SH3PXD2A: variants seen among roughly 807,000 people sequenced by gnomAD.
SH3PXD2A encodes the protein SH3 and PX domain-containing protein 2A.
Under a neutral mutation model 115.2 loss-of-function variants are expected in SH3PXD2A, and 32 were observed. That is an observed-to-expected ratio of 0.28 (90% confidence interval 0.21 to 0.37). The LOEUF (loss-of-function observed/expected upper bound fraction) is 0.37. Among genes scored for constraint, SH3PXD2A ranks in the 10% least tolerant of loss-of-function variants. The probability of loss-of-function intolerance (pLI) is 1.00; values close to 1 mark genes in which losing one functional copy is unlikely to be tolerated. For synonymous variants in SH3PXD2A, 610 were observed against 629.1 expected (o/e 0.97, Z 0.45); for missense variants, 1,328 against 1,498.7 (o/e 0.89, Z 1.88).
chr10:103,779,256 C>T (rs978954072), intron 2 of SH3PXD2A, among the ~76,000 whole-genome samples: 11 of 152,276 alleles, frequency 7.2e-5, no homozygotes, highest in East Asian at 1.9e-4. Context: ...TTAGTAGAGA[C>T]GGGGTTTCCT....
chr10:103,807,076 C>T (rs374170972), intron 1 of SH3PXD2A, among the ~76,000 whole-genome samples: 1 of 152,184 alleles, frequency 6.6e-6, no homozygotes, highest in African/African-American at 2.4e-5. Flanking sequence ...CCTCTATTAG[C>T]CTTGCTCCTT....
intron 5 of SH3PXD2A, among the ~76,000 whole-genome samples, chr10:103,717,334 G>A (rs74157303): frequency 4.3e-4 from 66 of 152,320 alleles, no homozygotes; most frequent in African/African-American, 1.6e-3. Flanking sequence ...TCCTTGGTGG[G>A]GAGAGATCCA....
chr10:103,600,010 G>A lies in SH3PXD2A; in HGVS notation c.*1806C>T, dbSNP rs2036192605. On this transcript the variant is annotated 3_prime_UTR_variant, in exon 15 of 15. Transcript: ENST00000369774. ...ATGGGGTGTGGTGGGGTAGGGTAGG[G>A]GTGGGGGTGGGTTTTGAAGGCACTG... 6.6e-6 allele frequency: 1 copy of A among 152,210 alleles called. No individual in the cohort carries two copies. Among genetic ancestry groups the A allele is most frequent in the South Asian group, 2.1e-4 (1 of 4,802 alleles). The allele number at this position is 152,210 out of a possible 1,614,324, so 9.4% of individuals were successfully genotyped here. A position where few individuals can be genotyped will look rare whatever the true frequency, so the allele number is the denominator to read the frequency against.
chr10:103,759,506 C>T (rs1238669793), intron 3 of SH3PXD2A, among the ~76,000 whole-genome samples: 1 of 152,218 alleles, frequency 6.6e-6, no homozygotes, highest in Non-Finnish European at 1.5e-5. Context: ...CCAGCCAGTA[C>T]AGAGACACAG....
chr10:103,764,584 C>T (rs2038734805), intron 3 of SH3PXD2A, among the ~76,000 whole-genome samples: 1 of 152,154 alleles, frequency 6.6e-6, no homozygotes, highest in African/African-American at 2.4e-5. Flanking sequence ...GGTGTGGGGG[C>T]AGGTGACTTT....
At chr10:103,803,693 C>G (rs763582961) in intron 1 of SH3PXD2A, among the ~76,000 whole-genome samples, 1 of 152,194 alleles carries the variant, frequency 6.6e-6, no homozygotes, top group Non-Finnish European at 1.5e-5. Flanking sequence ...CTAAACTGAA[C>G]TACTTTGATC....
intron 4 of SH3PXD2A, among the ~76,000 whole-genome samples, chr10:103,728,011 G>A (rs181943305): frequency 5.9e-5 from 9 of 152,368 alleles, no homozygotes; most frequent in Non-Finnish European, 1.2e-4. Flanking sequence ...GCAGAGTAGG[G>A]GGCCAGATAA....
intron 5 of SH3PXD2A, among the ~76,000 whole-genome samples, chr10:103,699,572 C>T (rs142745419): frequency 2.0e-5 from 3 of 152,336 alleles, no homozygotes; most frequent in African/African-American, 7.2e-5. Context: ...AAGGGCTGGG[C>T]GAAGGGGCTT....
intron 5 of SH3PXD2A, among the ~76,000 whole-genome samples, chr10:103,717,593 C>T (rs899846903): frequency 2.6e-5 from 4 of 152,146 alleles, no homozygotes; most frequent in Admixed American, 6.5e-5. Context: ...GGCCCTACGG[C>T]CAGATCTTTC....
chr10:103,752,066 G>C (rs2038585887), intron 3 of SH3PXD2A, among the ~76,000 whole-genome samples: 1 of 152,244 alleles, frequency 6.6e-6, no homozygotes, highest in Non-Finnish European at 1.5e-5. Flanking sequence ...CACCAAGTCA[G>C]TGAGGGGCAA....
intron 6 of SH3PXD2A, among the ~76,000 whole-genome samples, chr10:103,678,732 T>A (rs969958218): frequency 1.3e-5 from 2 of 152,098 alleles, no homozygotes; most frequent in South Asian, 2.1e-4. Context: ...TTCATGTGCA[T>A]CTCCTAGTGT....
At chr10:103,728,897 G>GTTTTTTTTTTTTTTTT (rs57283527) in intron 4 of SH3PXD2A, among the ~76,000 whole-genome samples, 14 of 135,896 alleles carry the variant, frequency 1.0e-4, no homozygotes, top group African/African-American at 1.6e-4. Flanking sequence ...TTGTTTGTTT[G>GTTTTTTTTTTTTTTTT]TTTTTTTTTT....
intron 5 of SH3PXD2A, among the ~76,000 whole-genome samples, chr10:103,697,494 G>A (rs1292342907): frequency 6.6e-6 from 1 of 152,156 alleles, no homozygotes; most frequent in Non-Finnish European, 1.5e-5. Context: ...CCCACTTTCA[G>A]AGTTTTGGGC....
chr10:103,820,233 A>G (rs2039364241), intron 1 of SH3PXD2A, among the ~76,000 whole-genome samples: 2 of 152,144 alleles, frequency 1.3e-5, no homozygotes, highest in Admixed American at 1.3e-4. Context: ...GGAATGAGGA[A>G]AGGGGATTCT....
At chr10:103,731,022 C>T (rs910673177) in intron 4 of SH3PXD2A, among the ~76,000 whole-genome samples, 1 of 151,884 alleles carries the variant, frequency 6.6e-6, no homozygotes, top group Admixed American at 6.6e-5. Flanking sequence ...TTGTGTCTGC[C>T]GGACTGGACT....
intron 5 of SH3PXD2A, among the ~76,000 whole-genome samples, chr10:103,704,961 G>A (rs1298854625): frequency 1.3e-5 from 2 of 152,132 alleles, no homozygotes; most frequent in East Asian, 3.8e-4. Context: ...CCAGCTCCAG[G>A]CTCACAGGAC....
chr10:103,711,494 TC>T (rs2038046213), intron 5 of SH3PXD2A, among the ~76,000 whole-genome samples: 2 of 151,954 alleles, frequency 1.3e-5, no homozygotes, highest in African/African-American at 4.8e-5. Context: ...ATGAACACCC[TC>T]CCCCTTCACC....
At chr10:103,674,898 G>A (rs1235615880) in intron 6 of SH3PXD2A, among the ~76,000 whole-genome samples, 1 of 152,114 alleles carries the variant, frequency 6.6e-6, no homozygotes, top group East Asian at 1.9e-4. Context: ...CAATTAAGAT[G>A]ACAGAAAACA....
At chr10:103,694,284 G>A (rs2037798704) in intron 5 of SH3PXD2A, among the ~76,000 whole-genome samples, 1 of 151,756 alleles carries the variant, frequency 6.6e-6, no homozygotes, top group Non-Finnish European at 1.5e-5. Context: ...GGGGTTGGGG[G>A]TTTGGGGGGA....
Sources: gnomAD v4.1 joint callset for allele counts (sites outside exome capture counted in the v4.1 genomes callset) on GRCh38, gnomAD v4.1.1 for gene constraint, MANE v1.5 for transcripts, NCBI Gene and HGNC (gene_info 2026-07-23, HGNC 2026-07-21) for gene names.